ANAPC4: variants seen among roughly 807,000 people sequenced by gnomAD.
ANAPC4 encodes the protein anaphase promoting complex subunit 4.
ANAPC4 carries 63 observed loss-of-function variants against 119.8 expected under a neutral mutation model. That is an observed-to-expected ratio of 0.53 (90% CI 0.43 to 0.65). The LOEUF (loss-of-function observed/expected upper bound fraction) is 0.65, where lower values mean the gene tolerates loss of function less well. Ranked by LOEUF, ANAPC4 falls within the 30% of genes least tolerant of loss-of-function variation. The probability of loss-of-function intolerance (pLI) is 0.00; values close to 1 mark genes in which losing one functional copy is unlikely to be tolerated. For missense variants in ANAPC4, 716 were observed against 945.1 expected (o/e 0.76, Z 3.18); for synonymous variants, 283 against 318.6 (o/e 0.89, Z 1.19).
intron 14 of ANAPC4, among the ~76,000 whole-genome samples, chr4:25,395,929 T>C (rs1722624374): frequency 6.6e-6 from 1 of 152,238 alleles, no homozygotes; most frequent in Admixed American, 6.5e-5. Context: ...AAACTTCTAA[T>C]GCCTTCCGTT....
intron 3 of ANAPC4, 92 bp from the exon 4 acceptor site, chr4:25,383,168 CT>C (rs1721839597): frequency 8.0e-7 from 1 of 1,254,752 alleles, no homozygotes; most frequent in South Asian, 2.3e-5. Context: ...TGAAGATGCA[CT>C]TAAAAGAGTA....
chr4:25,377,421 C>G lies in ANAPC4; in HGVS notation c.-7C>G. ...TCTGACTGGGGTGTCGTTGCAGGGCCGTCCCCATGTTGCGTTTTCCGACCT... is the reference window on the plus strand; with the variant it reads ...TCTGACTGGGGTGTCGTTGCAGGGCGGTCCCCATGTTGCGTTTTCCGACCT... On this transcript the variant is annotated 5_prime_UTR_variant, in exon 2 of 29. Coordinates refer to ENST00000315368, the MANE Select transcript of ANAPC4 (RefSeq NM_013367.3). 1 of 1,613,874 alleles carries G rather than the reference C, an allele frequency of 6.2e-7. No homozygotes were observed.
At chr4:25,406,660 G>A (rs772735542) in intron 18 of ANAPC4, among the ~76,000 whole-genome samples, 169 bp from the exon 19 acceptor site, 1 of 152,154 alleles carries the variant, frequency 6.6e-6, no homozygotes, top group Non-Finnish European at 1.5e-5. Context: ...AACCCCAGGC[G>A]TTCATATTTT....
At chr4:25,417,842 A>C (rs1560451713) in intron 28 of ANAPC4, 103 bp downstream of exon 28, 1 of 1,435,560 alleles carries the variant, frequency 7.0e-7, no homozygotes, top group Non-Finnish European at 9.4e-7. Context: ...CTTTTGTGCA[A>C]ATATTTTTAC....
chr4:25,407,017 T>G, intron 19 of ANAPC4, 132 bp downstream of exon 19: 1 of 883,278 alleles, frequency 1.1e-6, no homozygotes, highest in East Asian at 2.7e-5. Flanking sequence ...ACTGTTGAAC[T>G]AATTATGTTT....
chr4:25,417,757 G>A lies in ANAPC4; in HGVS notation c.2199+18G>A, dbSNP rs774550680. On this transcript the variant is annotated intron_variant, in intron 28 of 28. Transcript: ENST00000315368. Reference sequence around the variant, plus strand: ...CCTGTGTGGTAAGTGTTTAGAGATCGTTCAGCAACTAAGAAATTACAAGAA... The same window carrying A: ...CCTGTGTGGTAAGTGTTTAGAGATCATTCAGCAACTAAGAAATTACAAGAA... 5 of 1,591,254 alleles carry A rather than the reference G, an allele frequency of 3.1e-6. No homozygotes were observed. In the East Asian group the frequency reaches 8.9e-5, roughly 28 times the overall value.
chr4:25,390,120 C>G lies in ANAPC4; in HGVS notation c.516-16C>G. On this transcript the variant is annotated splice_polypyrimidine_tract_variant and intron_variant, in intron 7 of 28. Transcript: ENST00000315368. ...TTGTTGATTGGTTCTCAGCTTGTTG[C>G]ATTGTTTTTAATTAGGCTTAATATT... The G allele has an allele frequency of 4.5e-6, 7 of 1,570,976 alleles. No individual in the cohort carries two copies. Among genetic ancestry groups the G allele is most frequent in the Non-Finnish European group, 6.1e-6 (7 of 1,143,676 alleles).
At chr4:25,387,972 T>C (rs1053846986) in intron 4 of ANAPC4, among the ~76,000 whole-genome samples, 1 of 151,216 alleles carries the variant, frequency 6.6e-6, no homozygotes, top group Non-Finnish European at 1.5e-5. Flanking sequence ...AAAAAAAAAA[T>C]GTATATATTA....
At chr4:25,379,301 T>C (rs761012132) in intron 2 of ANAPC4, among the ~76,000 whole-genome samples, 2 of 152,090 alleles carry the variant, frequency 1.3e-5, no homozygotes, top group Non-Finnish European at 2.9e-5. Flanking sequence ...AGTGTGTTGT[T>C]AGAAGGCATG....
intron 26 of ANAPC4, chr4:25,415,860 A>T (rs529841214): frequency 8.6e-6 from 2 of 232,534 alleles, no homozygotes; most frequent in Middle Eastern, 1.4e-3. Flanking sequence ...ACCAAAAAAA[A>T]TTATGAGGTG....
At position 25,380,427 on chromosome 4, in the gene ANAPC4, T is replaced by C. The variant is rs1560427102; in HGVS notation, c.183T>C (p.Asn61=). Residue 61 remains asparagine (N), a synonymous_variant, in exon 3 of 29, where the codon AAT becomes AAC. Coordinates refer to ENST00000315368, the MANE Select transcript of ANAPC4 (RefSeq NM_013367.3). ...ATCGAGTTTGGAGTTTTCCACCAAA[T>C]GAAAATACAGGAAAGGAGGTGACGT... ...SFHRVWSFPP[N]ENTGKEVTCL... 1 of 1,613,380 alleles carries C rather than the reference T, an allele frequency of 6.2e-7. No individual in the cohort carries two copies. The highest frequency in any genetic ancestry group is 8.5e-7 in the Non-Finnish European group (1 of 1,179,628).
At chr4:25,392,088 T>G (rs1395268937) in intron 9 of ANAPC4, among the ~76,000 whole-genome samples, 1 of 152,218 alleles carries the variant, frequency 6.6e-6, no homozygotes, top group Non-Finnish European at 1.5e-5. Context: ...TAATACTGTT[T>G]CAAAATAGGT....
rs1274126005 is a variant in ANAPC4, at chr4:25,418,476, A to T, written c.*94A>T. 5 of 1,022,900 alleles carry T rather than the reference A, an allele frequency of 4.9e-6. No individual in the cohort carries two copies. In the East Asian group the frequency reaches 1.0e-4, roughly 20 times the overall value. 63.4% of individuals were successfully genotyped at this position (1,022,900 alleles called of 1,614,324 possible). A position where few individuals can be genotyped will look rare whatever the true frequency, so the allele number is the denominator to read the frequency against. On this transcript the variant is annotated 3_prime_UTR_variant, in exon 29 of 29. Coordinates refer to ENST00000315368, the MANE Select transcript of ANAPC4 (RefSeq NM_013367.3). ...GACCACCTTTGTGTAACAAAGAAAT[A>T]AACAGTAAATTTTATTTTTTCATAT...
At chr4:25,417,991 T>A in intron 28 of ANAPC4, 164 bp from the exon 29 acceptor site, 1 of 855,322 alleles carries the variant, frequency 1.2e-6, no homozygotes, top group Non-Finnish European at 1.8e-6. Flanking sequence ...TATGTGGAGA[T>A]CTTTTTATAC....
intron 7 of ANAPC4, among the ~76,000 whole-genome samples, chr4:25,389,504 G>A (rs1560432992): frequency 6.6e-6 from 1 of 151,688 alleles, no homozygotes; most frequent in Admixed American, 6.6e-5. Context: ...TGTTGGCCAG[G>A]CTGGTCTCAG....
intron 17 of ANAPC4, 122 bp downstream of exon 17, chr4:25,403,148 T>A: frequency 1.4e-6 from 1 of 740,320 alleles, no homozygotes; most frequent in East Asian, 3.1e-5. Context: ...TATATAATGA[T>A]CCCTGTTGTA....
intron 3 of ANAPC4, among the ~76,000 whole-genome samples, chr4:25,382,638 G>T (rs1028239801): frequency 5.3e-5 from 8 of 152,134 alleles, no homozygotes; most frequent in Admixed American, 5.2e-4. Context: ...AAGTAAGAAG[G>T]CTGGGATTGG....
intron 16 of ANAPC4, among the ~76,000 whole-genome samples, chr4:25,398,414 T>C (rs1433706702): frequency 6.6e-6 from 1 of 151,816 alleles, no homozygotes; most frequent in Non-Finnish European, 1.5e-5. Flanking sequence ...CTGTTGATAT[T>C]TGGGGGTGGA....
At chr4:25,386,551 A>G (rs1469008483) in intron 4 of ANAPC4, among the ~76,000 whole-genome samples, 1 of 152,226 alleles carries the variant, frequency 6.6e-6, no homozygotes, top group Non-Finnish European at 1.5e-5. Flanking sequence ...TGGCACCCCT[A>G]AACAATTATA....
Sources: gnomAD v4.1 joint callset for allele counts (sites outside exome capture counted in the v4.1 genomes callset) on GRCh38, gnomAD v4.1.1 for gene constraint, MANE v1.5 for transcripts, NCBI Gene and HGNC (gene_info 2026-07-23, HGNC 2026-07-21) for gene names.